Variants in POFUT2 observed in about 807,000 individuals in gnomAD.
POFUT2 encodes protein O-fucosyltransferase 2, also known as GDP-fucose protein O-fucosyltransferase 2.
POFUT2 carries 30 observed loss-of-function variants against 55.0 expected under a neutral mutation model. The ratio of observed to expected loss-of-function variants is 0.55; its 90% CI spans 0.41 to 0.74. The LOEUF is 0.74. Among genes scored for constraint, POFUT2 ranks in the 30% least tolerant of loss-of-function variants. The pLI, the probability that POFUT2 is intolerant of heterozygous loss-of-function variation, is 0.00. For missense variants in POFUT2, 524 were observed against 562.6 expected (o/e 0.93, Z 0.69); for synonymous variants, 267 against 231.1 (o/e 1.16, Z -1.41).
At position 45,283,368 on chromosome 21, in the gene POFUT2, AG is replaced by A. The variant is rs2030993980; in HGVS notation, c.527+14del. On this transcript the variant is annotated intron_variant, in intron 3 of 8. Transcript: ENST00000349485. ...GGGGGGCACCTGCGGCAGGGGGAGC[AG>A]CCTCAGCAGGCACCTGTAGTACTCG... 1.9e-6 allele frequency: 3 copies of A among 1,558,876 alleles called. No homozygotes were observed. The South Asian group carries it at 3.4e-5, about 18-fold the overall frequency.
intron 6 of POFUT2, among the ~76,000 whole-genome samples, chr21:45,271,151 AAC>A (rs2093216805): frequency 6.6e-6 from 1 of 152,102 alleles, no homozygotes; most frequent in Admixed American, 6.5e-5. Flanking sequence ...AAAAAAAAAC[AAC>A]AACAACAATA....
intron 6 of POFUT2, among the ~76,000 whole-genome samples, chr21:45,275,585 T>C (rs1011017016): frequency 1.3e-5 from 2 of 152,154 alleles, no homozygotes; most frequent in African/African-American, 4.8e-5. Context: ...AGGAACGAAA[T>C]GAATGCATTT....
At position 45,283,433 on chromosome 21, in the gene POFUT2, C is replaced by A. The variant is rs1364625753; in HGVS notation, c.477G>T (p.Arg159=). 1.2e-6 allele frequency: 2 copies of A among 1,613,512 alleles called. No individual in the cohort carries two copies. Among genetic ancestry groups the A allele is most frequent in the Non-Finnish European group, 1.7e-6 (2 of 1,179,856 alleles). Residue 159 remains arginine (R), a synonymous_variant, in exon 3 of 9, where the codon CGG becomes CGT. Transcript: ENST00000349485. The stretch of plus-strand genomic sequence containing the variant: ...AGTACAGGAGCTGATCAATACACGG[C>A]CGCTCGTCCACCTTCTCTTCCCAGG... ...EGTWEEKVDE[R]PCIDQLLYSQ... is the part of the protein sequence containing the mutation.
chr21:45,268,810 G>GT (rs1265126741), intron 7 of POFUT2, among the ~76,000 whole-genome samples: 3 of 143,068 alleles, frequency 2.1e-5, no homozygotes, highest in East Asian at 4.3e-4. Context: ...CGGGAGGGAG[G>GT]TGGGGGGGTC....
chr21:45,283,271 A>T, intron 3 of POFUT2, 112 bp downstream of exon 3: 1 of 432,022 alleles, frequency 2.3e-6, no homozygotes, highest in Non-Finnish European at 4.0e-6. Context: ...GGGGGCACCC[A>T]CGGTGGTGGG....
rs1012314607 is a variant in POFUT2, at chr21:45,284,291, C to A, written c.383-764G>T. ...AGGTGAAGTTCTGGTATCCTTTTTGCTCACTCATGACTGGGGGCTAAGGGC... is the reference window on the plus strand; with the variant it reads ...AGGTGAAGTTCTGGTATCCTTTTTGATCACTCATGACTGGGGGCTAAGGGC... On this transcript the variant is annotated intron_variant, in intron 2 of 8. Transcript: ENST00000349485. This position sits in a 1 kb window ranked among gnomAD's most constrained non-coding sequence, Gnocchi z 5.8. Among the ~76,000 whole-genome samples, 12 of 152,150 alleles carry A rather than the reference C, an allele frequency of 7.9e-5. No individual in the cohort carries two copies. Among genetic ancestry groups the A allele is most frequent in the African/African-American group, 2.7e-4 (11 of 41,426 alleles).
Position 45,284,128 on chromosome 21 carries a change from C to T in POFUT2, c.383-601G>A, listed in dbSNP as rs1281262032. 1.3e-5 allele frequency among the ~76,000 whole-genome samples: 2 copies of T among 151,612 alleles called. No homozygotes were observed. Among genetic ancestry groups the T allele is most frequent in the Admixed American group, 6.6e-5 (1 of 15,080 alleles). ...AGGAATAAAGCGGGAGGGAGCACCGCGCAGGTGAAGTTCTGGGGCAGGAAC... is the reference window on the plus strand; with the variant it reads ...AGGAATAAAGCGGGAGGGAGCACCGTGCAGGTGAAGTTCTGGGGCAGGAAC... On this transcript the variant is annotated intron_variant, in intron 2 of 8. Coordinates refer to ENST00000349485, the MANE Select transcript of POFUT2 (RefSeq NM_133635.6). This position sits in a 1 kb window ranked among gnomAD's most constrained non-coding sequence, Gnocchi z 5.8.
At chr21:45,283,919 C>T (rs1407579547) in intron 2 of POFUT2, among the ~76,000 whole-genome samples, 4 of 152,206 alleles carry the variant, frequency 2.6e-5, no homozygotes, top group African/African-American at 9.7e-5. Context: ...CCCCTACCCC[C>T]CTGGTTTCCC....
At chr21:45,280,350 T>G (rs929517199) in intron 4 of POFUT2, among the ~76,000 whole-genome samples, 3 of 152,212 alleles carry the variant, frequency 2.0e-5, no homozygotes, top group African/African-American at 7.2e-5. Context: ...GGCAGCAGGT[T>G]GCCCATCTTC....
rs146423023 is a variant in POFUT2 at position 45,277,047 on chromosome 21, G to T, written c.801C>A (p.Ile267=). The T allele has an allele frequency of 4.0e-5, 65 of 1,613,982 alleles. No individual in the cohort carries two copies. Among genetic ancestry groups the T allele is most frequent in the Non-Finnish European group, 5.2e-5 (61 of 1,179,986 alleles). The change falls in exon 6 of 9, where the codon ATC becomes ATA. Residue 267 remains isoleucine, a synonymous_variant. Transcript: ENST00000349485. This position sits in a 1 kb window ranked among gnomAD's most constrained non-coding sequence, Gnocchi z 6.9. ...HLNSTDDADR[I]PFQEDWMKMK... The stretch of plus-strand genomic sequence containing the variant: ...TCTTCATCCAGTCCTCCTGGAAGGG[G>T]ATCCTGTCTGCGTCGTCCGTGGAGT...
chr21:45,282,208 C>T lies in POFUT2; in HGVS notation c.638+141G>A, dbSNP rs766649066. 15 of 633,728 alleles carry T rather than the reference C, an allele frequency of 2.4e-5. No homozygotes were observed. The highest frequency in any genetic ancestry group is 3.9e-5 in the Non-Finnish European group (14 of 360,024). 39.3% of individuals were successfully genotyped at this position (633,728 alleles called of 1,614,324 possible). On this transcript the variant is annotated intron_variant, in intron 4 of 8. Transcript: ENST00000349485. The surrounding 1 kb of genome is among the most constrained non-coding windows in gnomAD (Gnocchi z 4.6). ...ATGCAAGCACTTCCCTAACCACCAC[C>T]CCCCAGGGCCCCCAGGGTCCGCTGT...
intron 4 of POFUT2, among the ~76,000 whole-genome samples, chr21:45,280,800 G>C (rs750663244): frequency 1.5e-4 from 21 of 142,670 alleles, no homozygotes; most frequent in Non-Finnish European, 2.9e-4. Context: ...TCTTGGACTC[G>C]CCTCACCCCA....
rs913263559 is a variant in POFUT2, at chr21:45,271,362, T to TA, written c.832-1344dup. Among the ~76,000 whole-genome samples the TA allele has an allele frequency of 1.3e-4, 19 of 151,810 alleles. No individual in the cohort carries two copies. In the East Asian group the frequency reaches 1.9e-3, roughly 15 times the overall value. Reference sequence around the variant, plus strand: ...TCCAACAAACAAGAAAAAAGAATAGTAAAAAAAATGAACAAAGCCTCCAAG... The same window carrying TA: ...TCCAACAAACAAGAAAAAAGAATAGTAAAAAAAAATGAACAAAGCCTCCAAG... On this transcript the variant is annotated intron_variant, in intron 6 of 8. Coordinates refer to ENST00000349485, the MANE Select transcript of POFUT2 (RefSeq NM_133635.6).
intron 8 of POFUT2, chr21:45,266,325 G>A (rs1425232258): frequency 2.2e-6 from 3 of 1,358,518 alleles, no homozygotes; most frequent in African/African-American, 3.0e-5. Flanking sequence ...ACACAGGCCT[G>A]TATGCTGCTG....
At position 45,266,899 on chromosome 21, in the gene POFUT2, C is replaced by A. The variant is rs1045409397; in HGVS notation, c.1136+691G>T. The stretch of plus-strand genomic sequence containing the variant: ...AACTCAAACCGTTTCACCCTAACCC[C>A]AGCCTTCATCTCCTATGCAGATGGG... On this transcript the variant is annotated intron_variant, in intron 8 of 8. Transcript: ENST00000349485. The A allele has an allele frequency of 4.3e-5, 44 of 1,014,840 alleles. No homozygotes were observed. In the African/African-American group the frequency reaches 7.3e-4, roughly 17 times the overall value. The allele number at this position is 1,014,840 out of a possible 1,614,324, so 62.9% of individuals were successfully genotyped here. A position where few individuals can be genotyped will look rare whatever the true frequency, so the allele number is the denominator to read the frequency against.
rs745849039 is a variant in POFUT2, at chr21:45,277,906, G to A, written c.705+197C>T. 2.2e-5 allele frequency: 14 copies of A among 625,396 alleles called. No individual in the cohort carries two copies. The highest frequency in any genetic ancestry group is 3.7e-5 in the Non-Finnish European group (13 of 351,628). The allele number at this position is 625,396 out of a possible 1,614,324, so 38.7% of individuals were successfully genotyped here. A position where few individuals can be genotyped will look rare whatever the true frequency, so the allele number is the denominator to read the frequency against. On this transcript the variant is annotated intron_variant, in intron 5 of 8. Coordinates refer to ENST00000349485, the MANE Select transcript of POFUT2 (RefSeq NM_133635.6). The surrounding 1 kb of genome is among the most constrained non-coding windows in gnomAD (Gnocchi z 6.9). The stretch of plus-strand genomic sequence containing the variant: ...AGGGGAGAGCTGGGTGGCCCTGCGG[G>A]CTCCCGAGGACCTGGCTCTGCAGCC...
At chr21:45,286,035 A>G (rs1014029630) in intron 1 of POFUT2, 107 bp from the exon 2 acceptor site, 1 of 966,412 alleles carries the variant, frequency 1.0e-6, no homozygotes, top group Non-Finnish European at 1.5e-6. Flanking sequence ...GGCACTTAAC[A>G]ATGGTTCCTA....
intron 7 of POFUT2, among the ~76,000 whole-genome samples, chr21:45,268,024 C>T (rs749242242): frequency 3.3e-5 from 5 of 152,190 alleles, no homozygotes; most frequent in Non-Finnish European, 7.4e-5. Flanking sequence ...TCTCTTTCCA[C>T]GGTCTCCCTC....
chr21:45,267,033 G>A lies in POFUT2; in HGVS notation c.1136+557C>T. 1 of 1,067,100 alleles carries A rather than the reference G, an allele frequency of 9.4e-7. No homozygotes were observed. Among genetic ancestry groups the A allele is most frequent in the Non-Finnish European group, 1.1e-6 (1 of 879,490 alleles). The allele number at this position is 1,067,100 out of a possible 1,614,324, so 66.1% of individuals were successfully genotyped here. A position where few individuals can be genotyped will look rare whatever the true frequency, so the allele number is the denominator to read the frequency against. On this transcript the variant is annotated intron_variant, in intron 8 of 8. Coordinates refer to ENST00000349485, the MANE Select transcript of POFUT2 (RefSeq NM_133635.6). This position sits in a 1 kb window ranked among gnomAD's most constrained non-coding sequence, Gnocchi z 4.4. ...CCCGGCCTCTGGGACGCTCACGGCAGCCCCACGAGAATGATCACACGAGGG... is the reference window on the plus strand; with the variant it reads ...CCCGGCCTCTGGGACGCTCACGGCAACCCCACGAGAATGATCACACGAGGG...
Sources: allele counts gnomAD v4.1 joint callset (sites outside exome capture counted in the v4.1 genomes callset), GRCh38; gene constraint gnomAD v4.1.1; non-coding constraint Gnocchi (gnomAD v3.1); transcripts MANE v1.5; gene names NCBI Gene and HGNC (gene_info 2026-07-23, HGNC 2026-07-21).